Variants in ACTR3C observed in about 807,000 individuals in gnomAD.
The protein encoded by ACTR3C is actin-related protein 3C.
In ACTR3C, 18 loss-of-function variants were observed where a neutral mutation model predicts 26.3. The ratio of observed to expected loss-of-function variants is 0.68; its 90% confidence interval spans 0.47 to 1.01. ACTR3C has a LOEUF of 1.01. Ranked by LOEUF, ACTR3C falls within the 50% of genes least tolerant of loss-of-function variation. The pLI is 0.00. For synonymous variants in ACTR3C, 55 were observed against 94.5 expected (o/e 0.58, Z 2.42); for missense variants, 184 against 250.7 (o/e 0.73, Z 1.80).
the ACTR3C span, chr7:149,892,445 T>C: frequency 6.6e-7 from 1 of 1,523,520 alleles, no homozygotes; most frequent in Non-Finnish European, 8.9e-7. Flanking sequence ...TATCCATATC[T>C]ATTTAAATGA....
chr7:150,152,672 T>G, the ACTR3C span, among the ~76,000 whole-genome samples: 387 of 152,306 alleles, frequency 2.5e-3, 3 homozygotes, highest in African/African-American at 8.8e-3. Context: ...TTAGGGAGGA[T>G]TCCCTCTTTT....
chr7:150,304,317 C>T (rs1795647154), intron 1 of ACTR3C, among the ~76,000 whole-genome samples: 1 of 152,040 alleles, frequency 6.6e-6, no homozygotes, highest in South Asian at 2.1e-4. Flanking sequence ...CTATGGCTAG[C>T]ATTTTTTTAT....
At chr7:150,036,320 G>A in the ACTR3C span, among the ~76,000 whole-genome samples, 243 of 147,466 alleles carry the variant, frequency 1.6e-3, 5 homozygotes, top group East Asian at 2.9e-3. Context: ...TCAAATAGGG[G>A]GGCCATCCTT....
At chr7:150,148,160 A>G in the ACTR3C span, among the ~76,000 whole-genome samples, 2 of 146,570 alleles carry the variant, frequency 1.4e-5, no homozygotes, top group Admixed American at 6.6e-5. Flanking sequence ...AGTTAAAAAA[A>G]AAAAGAAAAG....
chr7:150,029,410 A>AAC, the ACTR3C span, among the ~76,000 whole-genome samples: 3 of 97,254 alleles, frequency 3.1e-5, no homozygotes, highest in South Asian at 3.7e-4. Context: ...AAACAAAAAA[A>AAC]AAAAAAACAA....
chr7:150,003,218 G>T, the ACTR3C span: 1 of 152,750 alleles, frequency 6.5e-6, no homozygotes, highest in Admixed American at 6.5e-5. Flanking sequence ...GTGTGTGTGG[G>T]TATGTATGGT....
At chr7:149,973,791 T>C in the ACTR3C span, among the ~76,000 whole-genome samples, 2 of 150,864 alleles carry the variant, frequency 1.3e-5, no homozygotes, top group African/African-American at 4.9e-5. Context: ...TTTGATACGA[T>C]TCTGATTTTT....
the ACTR3C span, among the ~76,000 whole-genome samples, chr7:150,039,564 G>A: frequency 6.7e-6 from 1 of 148,966 alleles, no homozygotes; most frequent in South Asian, 2.1e-4. Context: ...GGGGAAGAGG[G>A]ACTGGCTCTC....
chr7:150,167,948 AT>A, the ACTR3C span, among the ~76,000 whole-genome samples: 1,154 of 150,898 alleles, frequency 7.6e-3, 99 homozygotes, highest in African/African-American at 0.027. Context: ...TCCATAAAAA[AT>A]ATATATATTT....
At chr7:150,047,835 C>T in the ACTR3C span, 1 of 1,519,282 alleles carries the variant, frequency 6.6e-7, no homozygotes, top group African/African-American at 1.4e-5. Context: ...GCCGGTGAAC[C>T]TCTGGTACAG....
chr7:149,962,501 G>A, the ACTR3C span, among the ~76,000 whole-genome samples: 2 of 151,984 alleles, frequency 1.3e-5, no homozygotes, highest in African/African-American at 4.8e-5. Flanking sequence ...ACAGGAAGGA[G>A]CACATCGGGA....
At position 150,286,410 on chromosome 7, in the gene ACTR3C, C is replaced by A; in HGVS notation, c.428G>T (p.Gly143Val). Residue 143 changes from glycine (G) to valine (V), a missense_variant, in exon 5 of 8, where the codon GGT becomes GTT. By Grantham distance (109) the Gly-to-Val change is moderately radical (BLOSUM62 -3). Transcript: ENST00000683684. Reference protein sequence around the residue: ...INQKKFVIDVGYERFLGPEIF... With the variant: ...INQKKFVIDVVYERFLGPEIF... Reference sequence around the variant, plus strand: ...TTCAGGTCCCAGGAATCTTTCGTAACCAACGTCTATAACAAACTTCTTCTG... The same window carrying A: ...TTCAGGTCCCAGGAATCTTTCGTAAACAACGTCTATAACAAACTTCTTCTG... 1 of 1,613,850 alleles carries A rather than the reference C, an allele frequency of 6.2e-7. No individual in the cohort carries two copies. The highest frequency in any genetic ancestry group is 1.1e-5 in the South Asian group (1 of 90,982).
chr7:150,191,636 A>G, the ACTR3C span, among the ~76,000 whole-genome samples: 1 of 152,188 alleles, frequency 6.6e-6, no homozygotes, highest in Non-Finnish European at 1.5e-5. Context: ...TGCCATGTAG[A>G]AAGTTATTTT....
the ACTR3C span, among the ~76,000 whole-genome samples, chr7:150,089,217 T>C: frequency 2.0e-5 from 3 of 152,342 alleles, no homozygotes; most frequent in Non-Finnish European, 2.9e-5. Context: ...GAGAAAAGCA[T>C]AGATTTCAAC....
chr7:150,321,402 A>C (rs1328450986), intron 1 of ACTR3C, among the ~76,000 whole-genome samples: 1 of 152,208 alleles, frequency 6.6e-6, no homozygotes, highest in Non-Finnish European at 1.5e-5. Context: ...TGGAGAAACT[A>C]ATACTTCCAT....
the ACTR3C span, among the ~76,000 whole-genome samples, chr7:150,056,247 A>C: frequency 2.0e-5 from 3 of 152,216 alleles, no homozygotes; most frequent in Non-Finnish European, 4.4e-5. Context: ...TGGAAAAAGA[A>C]ATACCCCACA....
chr7:150,286,353 A>G lies in ACTR3C; in HGVS notation c.471+14T>C, dbSNP rs199920648. The G allele has an allele frequency of 6.4e-5, 104 of 1,613,370 alleles. 1 individual carries two copies. In the South Asian group the frequency reaches 1.1e-3, roughly 17 times the overall value. ...CATCCCACACTTGAGCACACAAAAAAAGAAACACCTTACCTCCGGGTGAAA... is the reference window on the plus strand; with the variant it reads ...CATCCCACACTTGAGCACACAAAAAGAGAAACACCTTACCTCCGGGTGAAA... On this transcript the variant is annotated intron_variant, in intron 5 of 7. Coordinates refer to ENST00000683684, the MANE Select transcript of ACTR3C (RefSeq NM_001164458.2).
chr7:150,139,786 C>T, the ACTR3C span, among the ~76,000 whole-genome samples: 17 of 152,274 alleles, frequency 1.1e-4, no homozygotes, highest in Non-Finnish European at 2.2e-4. Flanking sequence ...GGTTGGAGAA[C>T]AGTCCTCCCT....
the ACTR3C span, among the ~76,000 whole-genome samples, chr7:150,112,205 C>T: frequency 6.6e-6 from 1 of 151,916 alleles, no homozygotes; most frequent in African/African-American, 2.4e-5. Flanking sequence ...GTGGGAACAT[C>T]CCCCGATGCC....
Sources: gnomAD v4.1 joint callset for allele counts (sites outside exome capture counted in the v4.1 genomes callset) on GRCh38, gnomAD v4.1.1 for gene constraint, MANE v1.5 for transcripts, NCBI Gene and HGNC (gene_info 2026-07-23, HGNC 2026-07-21) for gene names.